RGMA: variants seen among roughly 807,000 people sequenced by gnomAD.
RGMA encodes the protein repulsive guidance molecule A.
RGMA carries 10 observed loss-of-function variants against 23.2 expected under a neutral mutation model. That is an observed-to-expected ratio of 0.43 (90% CI 0.27 to 0.73). The LOEUF is 0.73. RGMA is among the 30% of genes least tolerant of loss of function. RGMA has a pLI of 0.20. For missense variants in RGMA, 547 were observed against 630.5 expected (o/e 0.87, Z 1.42); for synonymous variants, 308 against 279.3 (o/e 1.10, Z -1.03).
intron 2 of RGMA, among the ~76,000 whole-genome samples, chr15:93,072,699 C>G (rs1050829537): frequency 6.6e-6 from 1 of 152,172 alleles, no homozygotes; most frequent in East Asian, 1.9e-4. Context: ...GGCTCCATCT[C>G]ACGGCAACTC....
At chr15:93,074,560 G>C (rs879656730) in intron 1 of RGMA, among the ~76,000 whole-genome samples, 3 of 152,192 alleles carry the variant, frequency 2.0e-5, no homozygotes, top group Non-Finnish European at 2.9e-5. Flanking sequence ...TCTTCTTTAC[G>C]AGGGGGTGTC....
chr15:93,066,684 G>A (rs981028661), intron 2 of RGMA: 6 of 382,654 alleles, frequency 1.6e-5, no homozygotes, highest in East Asian at 8.9e-5. Context: ...CCCCGCCGCC[G>A]CCCGGTTTTT....
intron 2 of RGMA, among the ~76,000 whole-genome samples, chr15:93,062,400 C>T (rs947451773): frequency 1.3e-5 from 2 of 152,202 alleles, no homozygotes; most frequent in African/African-American, 4.8e-5. Context: ...AGGGAAGTAG[C>T]ATTTCAATGA....
At chr15:93,067,093 G>A (rs993468002) in intron 2 of RGMA, among the ~76,000 whole-genome samples, 2 of 152,212 alleles carry the variant, frequency 1.3e-5, no homozygotes, top group Admixed American at 1.3e-4. Flanking sequence ...TGGAGAGAAG[G>A]ATATAAAGGT....
intron 2 of RGMA, chr15:93,062,966 T>C (rs561560736): frequency 2.0e-5 from 3 of 152,446 alleles, no homozygotes; most frequent in African/African-American, 4.8e-5. Context: ...GCTTTTCTGA[T>C]TGGACCCTGG....
At chr15:93,049,845 G>A (rs1353162120) in intron 3 of RGMA, among the ~76,000 whole-genome samples, 1 of 152,232 alleles carries the variant, frequency 6.6e-6, no homozygotes, top group East Asian at 1.9e-4. Flanking sequence ...AAAGGGGAGT[G>A]GGTTCCAGTG....
chr15:93,060,408 T>TGCTCTG (rs772076471), intron 2 of RGMA, among the ~76,000 whole-genome samples: 116 of 152,332 alleles, frequency 7.6e-4, no homozygotes, highest in Non-Finnish European at 1.4e-3. Flanking sequence ...GCAAAGACAG[T>TGCTCTG]GCTCTGGCCC....
chr15:93,065,577 G>A lies in RGMA; in HGVS notation c.130+7339C>T. On this transcript the variant is annotated intron_variant, in intron 2 of 3. Transcript: ENST00000329082. Reference sequence around the variant, plus strand: ...GATGGCAGCTCTGGGTGTCCTTTGAGTTGGAATCACTCCAGGATGGTGGTG... The same window carrying A: ...GATGGCAGCTCTGGGTGTCCTTTGAATTGGAATCACTCCAGGATGGTGGTG... The A allele has an allele frequency of 4.0e-6, 3 of 754,310 alleles. No homozygotes were observed. The South Asian group carries it at 4.0e-5, about 10-fold the overall frequency. The allele number at this position is 754,310 out of a possible 1,614,324, so 46.7% of individuals were successfully genotyped here. A position where few individuals can be genotyped will look rare whatever the true frequency, so the allele number is the denominator to read the frequency against.
chr15:93,048,773 G>C (rs78599970), intron 3 of RGMA, among the ~76,000 whole-genome samples: 1 of 152,050 alleles, frequency 6.6e-6, no homozygotes, highest in Non-Finnish European at 1.5e-5. Flanking sequence ...CACCTCGGTG[G>C]GGAGGCCGCC....
At position 93,044,981 on chromosome 15, in the gene RGMA, C is replaced by T; in HGVS notation, c.*17G>A. The T allele has an allele frequency of 1.3e-6, 2 of 1,578,862 alleles. No individual in the cohort carries two copies. The highest frequency in any genetic ancestry group is 4.6e-5 in the East Asian group (2 of 43,878). On this transcript the variant is annotated 3_prime_UTR_variant, in exon 4 of 4. Transcript: ENST00000329082. Reference sequence around the variant, plus strand: ...GCCGAGAGGACGGAGCCCGCGCCTCCCTCCACATCTACGCGTCTAGCAGAA... The same window carrying T: ...GCCGAGAGGACGGAGCCCGCGCCTCTCTCCACATCTACGCGTCTAGCAGAA...
chr15:93,060,465 C>T (rs1046828036), intron 2 of RGMA, among the ~76,000 whole-genome samples: 2 of 152,224 alleles, frequency 1.3e-5, no homozygotes, highest in African/African-American at 2.4e-5. Flanking sequence ...CCCGGAGCCC[C>T]ATGGGGTGAG....
rs1156407626 is a variant in RGMA, at chr15:93,084,922, A to G, written c.14+3997T>C. Among the ~76,000 whole-genome samples the G allele has an allele frequency of 2.0e-5, 3 of 152,192 alleles. No individual in the cohort carries two copies. In the East Asian group the frequency reaches 5.8e-4, roughly 29 times the overall value. On this transcript the variant is annotated intron_variant, in intron 1 of 3. Transcript: ENST00000329082. ...AATACTAGTAATGTGAGGGATGTGT[A>G]GGGGCCTTCAGGGGTAGGTATATGT... is the stretch of plus-strand genomic sequence containing the variant.
rs112641010 is a variant in RGMA, at chr15:93,038,870, G to A, written c.*6128C>T. On this transcript the variant is annotated 3_prime_UTR_variant, in exon 4 of 4. Transcript: ENST00000329082. ...ATTACAGGCGTGAGCCACCGCTCCC[G>A]GCCGAAACTGTTTAATATTGAGTGC... is the stretch of plus-strand genomic sequence containing the variant. 913 of 152,270 alleles carry A rather than the reference G, an allele frequency of 6.0e-3. 3 individuals carry two copies. Among genetic ancestry groups the A allele is most frequent in the South Asian group, 0.022 (107 of 4,818 alleles). 9.4% of individuals were successfully genotyped at this position (152,270 alleles called of 1,614,324 possible).
intron 1 of RGMA, among the ~76,000 whole-genome samples, chr15:93,074,360 G>A (rs1298407837): frequency 6.6e-6 from 1 of 152,172 alleles, no homozygotes; most frequent in African/African-American, 2.4e-5. Context: ...CTGCCAGGTC[G>A]GGAGTGTGGA....
chr15:93,065,250 C>A (rs983234599), intron 2 of RGMA, among the ~76,000 whole-genome samples: 3 of 151,278 alleles, frequency 2.0e-5, no homozygotes, highest in African/African-American at 7.3e-5. Context: ...AGGTTGGGGG[C>A]CGGGAGAAAA....
intron 2 of RGMA, among the ~76,000 whole-genome samples, chr15:93,061,331 A>C (rs4778088): frequency 0.54 from 82,740 of 151,974 alleles, 22,973 homozygotes; most frequent in East Asian, 0.82. Context: ...TTTTTATTTC[A>C]GTAGAGATGG....
chr15:93,085,191 CA>C (rs1166241719), intron 1 of RGMA, among the ~76,000 whole-genome samples: 2 of 141,462 alleles, frequency 1.4e-5, no homozygotes, highest in African/African-American at 5.1e-5. Context: ...TGAGCTGCTC[CA>C]AAGACCCTGA....
intron 3 of RGMA, among the ~76,000 whole-genome samples, chr15:93,046,860 GA>G (rs1170392496): frequency 1.9e-4 from 29 of 150,424 alleles, no homozygotes; most frequent in African/African-American, 6.5e-4. Flanking sequence ...GGCCAGGGGT[GA>G]GGGGCTGGAC....
At chr15:93,085,670 A>T (rs1013987240) in intron 1 of RGMA, among the ~76,000 whole-genome samples, 1 of 152,224 alleles carries the variant, frequency 6.6e-6, no homozygotes, top group Non-Finnish European at 1.5e-5. Flanking sequence ...AACTTTTTAT[A>T]TGAGGTTATA....
Sources: gnomAD v4.1 joint callset for allele counts (sites outside exome capture counted in the v4.1 genomes callset) on GRCh38, gnomAD v4.1.1 for gene constraint, MANE v1.5 for transcripts, NCBI Gene and HGNC (gene_info 2026-07-23, HGNC 2026-07-21) for gene names.